Variants in RPF2 observed in about 807,000 individuals in gnomAD.
The protein encoded by RPF2 is ribosome production factor 2 homolog.
Under a neutral mutation model 38.9 loss-of-function variants are expected in RPF2, and 21 were observed. That is an observed-to-expected ratio of 0.54 (90% CI 0.38 to 0.78). The LOEUF (loss-of-function observed/expected upper bound fraction) is 0.78. Among genes scored for constraint, RPF2 ranks in the 30% least tolerant of loss-of-function variants. The pLI, the probability that RPF2 is intolerant of heterozygous loss-of-function variation, is 0.00. For synonymous variants in RPF2, 121 were observed against 126.2 expected, an observed-to-expected ratio of 0.96 and a Z score of 0.28; for missense variants, 314 against 358.1, an observed-to-expected ratio of 0.88 and a Z score of 0.99.
intron 8 of RPF2, among the ~76,000 whole-genome samples, chr6:111,017,421 C>T (rs1356967256): frequency 0.019 from 2,897 of 150,056 alleles, 102 homozygotes; most frequent in African/African-American, 0.068. Context: ...CCAGACGGGG[C>T]GGCTGCCGGA....
Position 110,985,127 on chromosome 6 carries a change from C to T in RPF2, c.145C>T (p.Leu49Phe), listed in dbSNP as rs772186285. The stretch of plus-strand genomic sequence containing the variant: ...TGCAAATGCAACAGTGACAAAAGTA[C>T]TTAAAGATGTGGTAAGTATATATAC... Reference protein sequence around the residue: ...GNANATVTKVLKDVYALKKPY... With the variant: ...GNANATVTKVFKDVYALKKPY... The change falls in exon 2 of 10, where the codon CTT (leucine) becomes TTT (phenylalanine). Residue 49 changes from leucine to phenylalanine, a missense_variant. Leu to Phe is a conservative substitution (Grantham distance 22). Coordinates refer to ENST00000441448, the MANE Select transcript of RPF2 (RefSeq NM_032194.3). 3 of 1,613,158 alleles carry T rather than the reference C, an allele frequency of 1.9e-6. No individual in the cohort carries two copies. Among genetic ancestry groups the T allele is most frequent in the South Asian group, 1.1e-5 (1 of 90,982 alleles).
intron 5 of RPF2, among the ~76,000 whole-genome samples, chr6:110,998,010 T>C (rs1265631702): frequency 6.6e-6 from 1 of 151,678 alleles, no homozygotes; most frequent in Non-Finnish European, 1.5e-5. Context: ...GTTCAAGCAA[T>C]TCTCCTGCCT....
intron 7 of RPF2, among the ~76,000 whole-genome samples, chr6:111,010,166 C>T (rs940816415): frequency 8.5e-5 from 12 of 141,982 alleles, no homozygotes; most frequent in Admixed American, 4.3e-4. Context: ...CTTGCTCTGT[C>T]ACCCAGGCTG....
intron 6 of RPF2, among the ~76,000 whole-genome samples, chr6:111,005,227 G>T (rs1304794697): frequency 6.6e-6 from 1 of 152,208 alleles, no homozygotes; most frequent in Non-Finnish European, 1.5e-5. Flanking sequence ...GAGCAGCAAA[G>T]CAACAGGTGA....
In RPF2 at chr6:111,012,638, C is replaced by T. The variant is rs564702447; in HGVS notation, c.494-3116C>T. Among the ~76,000 whole-genome samples the T allele has an allele frequency of 1.3e-5, 2 of 152,144 alleles. 1 individual carries two copies. Among genetic ancestry groups the T allele is most frequent in the Admixed American group, 1.3e-4 (2 of 15,260 alleles). ...CCAAGTGGCATATTAAAGTTTTGAA[C>T]TTAGGTCTCTCCAAAGTACATGCTT... On this transcript the variant is annotated intron_variant, in intron 7 of 9. Coordinates refer to ENST00000441448, the MANE Select transcript of RPF2 (RefSeq NM_032194.3).
intron 6 of RPF2, among the ~76,000 whole-genome samples, chr6:111,000,923 C>T (rs1771801945): frequency 6.6e-6 from 1 of 152,132 alleles, no homozygotes; most frequent in African/African-American, 2.4e-5. Flanking sequence ...GTTTTTGAGG[C>T]TCATGGTCTA....
intron 6 of RPF2, 130 bp downstream of exon 6, chr6:110,999,917 G>A: frequency 1.8e-6 from 1 of 548,058 alleles, no homozygotes; most frequent in Non-Finnish European, 3.3e-6. Flanking sequence ...ACATGCTCCA[G>A]GATAAAAATA....
chr6:111,027,108 T>C lies in RPF2; in HGVS notation c.*1526T>C, dbSNP rs531517873. 2 of 152,296 alleles carry C rather than the reference T, an allele frequency of 1.3e-5. No individual in the cohort carries two copies. The highest frequency in any genetic ancestry group is 4.8e-5 in the African/African-American group (2 of 41,556). The allele number at this position is 152,296 out of a possible 1,614,324, so 9.4% of individuals were successfully genotyped here. ...AGAGAGCTCCGTGCCTGTGTATACA[T>C]GCCTTTATGTAAGCTTGCTCAGCTA... On this transcript the variant is annotated 3_prime_UTR_variant, in exon 10 of 10. Transcript: ENST00000441448.
At chr6:110,985,460 TAA>T (rs1440857064) in intron 2 of RPF2, among the ~76,000 whole-genome samples, 1 of 151,710 alleles carries the variant, frequency 6.6e-6, no homozygotes, top group African/African-American at 2.4e-5. Context: ...ATCTAATTTG[TAA>T]AGAGAAGTAA....
At chr6:111,016,927 C>A (rs1772125639) in intron 8 of RPF2, among the ~76,000 whole-genome samples, 1 of 151,932 alleles carries the variant, frequency 6.6e-6, no homozygotes, top group African/African-American at 2.4e-5. Flanking sequence ...TAACAAAGCA[C>A]ATCTTGCACC....
At chr6:111,002,463 G>A (rs904850546) in intron 6 of RPF2, among the ~76,000 whole-genome samples, 3 of 151,922 alleles carry the variant, frequency 2.0e-5, no homozygotes, top group Non-Finnish European at 4.4e-5. Context: ...TCAGTCTCCT[G>A]AGTAGCTAGG....
chr6:111,018,897 TA>T (rs1188565931), intron 8 of RPF2, among the ~76,000 whole-genome samples: 2 of 152,104 alleles, frequency 1.3e-5, no homozygotes, highest in South Asian at 4.1e-4. Context: ...GAACAAGAAA[TA>T]AAAGATGAAA....
intron 6 of RPF2, among the ~76,000 whole-genome samples, chr6:111,005,722 C>T (rs1439677658): frequency 6.6e-6 from 1 of 151,890 alleles, no homozygotes; most frequent in East Asian, 1.9e-4. Context: ...CTGGACTTCC[C>T]TGGGCTCAAG....
At chr6:111,016,676 TTTTTTTCTTTC>T (rs1465796880) in intron 8 of RPF2, among the ~76,000 whole-genome samples, 2 of 129,274 alleles carry the variant, frequency 1.5e-5, no homozygotes, top group Non-Finnish European at 3.2e-5. Flanking sequence ...GGTTCTTTTT[TTTTTTTCTTTC>T]TTTTTTTTTT....
Position 110,994,991 on chromosome 6 carries a change from A to G in RPF2, c.235-2192A>G, listed in dbSNP as rs979615808. Among the ~76,000 whole-genome samples the G allele has an allele frequency of 2.0e-4, 31 of 151,452 alleles. 1 individual carries two copies. The highest frequency in any genetic ancestry group is 6.6e-4 in the Admixed American group (10 of 15,154). On this transcript the variant is annotated intron_variant, in intron 4 of 9. Transcript: ENST00000441448. ...GCCATCTCAGCTCACTGCAACCTCC[A>G]CCTCCCGGGTTCAAGCGATCCTCCC...
At chr6:110,997,468 A>C (rs371340352) in intron 5 of RPF2, among the ~76,000 whole-genome samples, 1 of 151,940 alleles carries the variant, frequency 6.6e-6, no homozygotes, top group Non-Finnish European at 1.5e-5. Flanking sequence ...GGGGCCTGGC[A>C]TGGTGGTTCA....
intron 6 of RPF2, among the ~76,000 whole-genome samples, chr6:111,001,634 A>G (rs1388648565): frequency 3.3e-5 from 5 of 152,010 alleles, no homozygotes; most frequent in Non-Finnish European, 7.4e-5. Context: ...CAGCCTCCCA[A>G]AGTGCTGGGG....
rs1342140765 is a variant in RPF2, at chr6:111,010,197, G to A, written c.493+2060G>A. Among the ~76,000 whole-genome samples, 9 of 148,316 alleles carry A rather than the reference G, an allele frequency of 6.1e-5. No individual in the cohort carries two copies. In the East Asian group the frequency reaches 7.9e-4, roughly 13 times the overall value. ...GGCTGGAGTGTACTGGTGTGATCAC[G>A]TCTTACTGCAGCCTTGACCTCTTGG... is the stretch of plus-strand genomic sequence containing the variant. On this transcript the variant is annotated intron_variant, in intron 7 of 9. Coordinates refer to ENST00000441448, the MANE Select transcript of RPF2 (RefSeq NM_032194.3).
chr6:110,999,464 A>G (rs910744964), intron 5 of RPF2, among the ~76,000 whole-genome samples: 12 of 152,158 alleles, frequency 7.9e-5, no homozygotes, highest in Non-Finnish European at 1.8e-4. Context: ...TACCTTCTGT[A>G]GGCTGTCATT....
Sources: gnomAD v4.1 joint callset for allele counts (sites outside exome capture counted in the v4.1 genomes callset) on GRCh38, gnomAD v4.1.1 for gene constraint, MANE v1.5 for transcripts, NCBI Gene and HGNC (gene_info 2026-07-23, HGNC 2026-07-21) for gene names.